GLDC: variants seen among roughly 807,000 people sequenced by gnomAD.
GLDC encodes the protein glycine decarboxylase, also known as glycine dehydrogenase (decarboxylating), mitochondrial.
A neutral mutation model predicts 121.3 loss-of-function variants in GLDC; 104 were observed. The ratio of observed to expected loss-of-function variants is 0.86; its 90% confidence interval spans 0.73 to 1.01. The LOEUF (loss-of-function observed/expected upper bound fraction) is 1.01, where lower values mean the gene tolerates loss of function less well. GLDC is among the 50% of genes least tolerant of loss of function. The probability of loss-of-function intolerance (pLI) is 0.00; values close to 1 mark genes in which losing one functional copy is unlikely to be tolerated. For missense variants in GLDC, 1,429 were observed against 1,306.6 expected (o/e 1.09, Z -1.44); for synonymous variants, 546 against 480.6 (o/e 1.14, Z -1.78).
rs1190872260 is a variant in GLDC, at chr9:6,626,282, G to A, written c.335-5963C>T. 2.6e-5 allele frequency among the ~76,000 whole-genome samples: 4 copies of A among 152,210 alleles called. No homozygotes were observed. In the East Asian group the frequency reaches 7.7e-4, roughly 29 times the overall value. ...CTCACCCAAAGGAAGGAGAAGGCTA[G>A]GATCCCAGGAAGGGGGTGGGGCACC... On this transcript the variant is annotated intron_variant, in intron 2 of 24. Coordinates refer to ENST00000321612, the MANE Select transcript of GLDC (RefSeq NM_000170.3).
chr9:6,569,440 T>G (rs2129772189), intron 15 of GLDC: 1 of 151,430 alleles, frequency 6.6e-6, no homozygotes, highest in Non-Finnish European at 1.5e-5. Flanking sequence ...GATCACAAGG[T>G]CAGGAGTTCG....
At chr9:6,568,121 A>G (rs1817886541) in intron 15 of GLDC, among the ~76,000 whole-genome samples, 1 of 152,176 alleles carries the variant, frequency 6.6e-6, no homozygotes, top group African/African-American at 2.4e-5. Flanking sequence ...GAAGAAGCAG[A>G]TTACTGGCTA....
At chr9:6,629,976 G>A (rs1162000198) in intron 2 of GLDC, among the ~76,000 whole-genome samples, 1 of 52,180 alleles carries the variant, frequency 1.9e-5, no homozygotes, top group Admixed American at 2.0e-4. Flanking sequence ...TTTTAAGAGA[G>A]ACAAGGTCTC....
At chr9:6,644,558 A>G (rs1819699648) in intron 2 of GLDC, 56 bp downstream of exon 2, 9 of 1,221,862 alleles carry the variant, frequency 7.4e-6, no homozygotes, top group Non-Finnish European at 1.1e-5. Flanking sequence ...AGGGAACCAC[A>G]AAAGACAAAT....
At chr9:6,615,578 T>C (rs1026979420) in intron 3 of GLDC, among the ~76,000 whole-genome samples, 2 of 140,832 alleles carry the variant, frequency 1.4e-5, no homozygotes, top group African/African-American at 2.8e-5. Flanking sequence ...GGAGACCTTG[T>C]CTTAAAAAAA....
chr9:6,617,721 G>A (rs1364686737), intron 3 of GLDC, among the ~76,000 whole-genome samples: 6 of 152,180 alleles, frequency 3.9e-5, no homozygotes, highest in Admixed American at 3.3e-4. Flanking sequence ...CTCCTATAAT[G>A]ATATGATAAA....
intron 8 of GLDC, among the ~76,000 whole-genome samples, chr9:6,596,995 A>C (rs1037833175): frequency 2.6e-5 from 4 of 152,256 alleles, no homozygotes; most frequent in Admixed American, 6.5e-5. Flanking sequence ...TGATGAATGG[A>C]TAAACAAAAT....
chr9:6,546,103 T>G (rs1370119572), intron 21 of GLDC, among the ~76,000 whole-genome samples: 1 of 152,194 alleles, frequency 6.6e-6, no homozygotes, highest in African/African-American at 2.4e-5. Flanking sequence ...CTTTTTACTT[T>G]TTAAACTTTT....
Position 6,540,350 on chromosome 9 carries a change from G to T in GLDC, c.2570-204C>A, listed in dbSNP as rs981264506. On this transcript the variant is annotated intron_variant, in intron 21 of 24. Transcript: ENST00000321612. The stretch of plus-strand genomic sequence containing the variant: ...TACAAATAAAAATGTTTAGCACACT[G>T]TGCCGATGTGTCTTATCTTCAGCTC... 9 of 561,410 alleles carry T rather than the reference G, an allele frequency of 1.6e-5. No homozygotes were observed. In the East Asian group the frequency reaches 2.9e-4, roughly 18 times the overall value. 34.8% of individuals were successfully genotyped at this position (561,410 alleles called of 1,614,324 possible).
chr9:6,590,619 G>T (rs540328695), intron 11 of GLDC, among the ~76,000 whole-genome samples: 1 of 152,170 alleles, frequency 6.6e-6, no homozygotes, highest in Admixed American at 6.5e-5. Context: ...AGAAGCAAAC[G>T]CTTCTTGCAC....
intron 15 of GLDC, among the ~76,000 whole-genome samples, chr9:6,577,695 CT>C (rs1251532165): frequency 6.6e-6 from 1 of 152,060 alleles, no homozygotes; most frequent in Non-Finnish European, 1.5e-5. Context: ...ACCTATGCCC[CT>C]GTGCACACAC....
chr9:6,640,642 CCT>C (rs1319787906), intron 2 of GLDC, among the ~76,000 whole-genome samples: 1 of 152,174 alleles, frequency 6.6e-6, no homozygotes, highest in Admixed American at 6.5e-5. Context: ...TTTAGTTTCT[CCT>C]CTCTCTTCCA....
At position 6,588,719 on chromosome 9, in the gene GLDC, C is replaced by G. The variant is rs774891189; in HGVS notation, c.1581-17G>C. The G allele has an allele frequency of 6.3e-7, 1 of 1,579,684 alleles. No homozygotes were observed. Among genetic ancestry groups the G allele is most frequent in the East Asian group, 2.2e-5 (1 of 44,730 alleles). On this transcript the variant is annotated splice_polypyrimidine_tract_variant and intron_variant, in intron 12 of 24. Transcript: ENST00000321612. Reference sequence around the variant, plus strand: ...GAGTGGTAGCTGTGAACACAAAACACAGAATTAGGGGCCCCAAAAGTAGAT... The same window carrying G: ...GAGTGGTAGCTGTGAACACAAAACAGAGAATTAGGGGCCCCAAAAGTAGAT...
intron 6 of GLDC, 141 bp downstream of exon 6, chr9:6,604,990 G>C (rs1434010681): frequency 1.0e-6 from 1 of 970,102 alleles, no homozygotes; most frequent in African/African-American, 1.6e-5. Context: ...TAGCAGCAAG[G>C]AGTCAGGAAG....
In GLDC at chr9:6,620,199, A is replaced by G; in HGVS notation, c.455T>C (p.Leu152Pro). 4 of 1,613,220 alleles carry G rather than the reference A, an allele frequency of 2.5e-6. No individual in the cohort carries two copies. The highest frequency in any genetic ancestry group is 3.4e-6 in the Non-Finnish European group (4 of 1,179,874). The change falls in exon 3 of 25, where the codon CTG (leucine) becomes CCG (proline). Residue 152 changes from leucine (L) to proline (P), a missense_variant. Coordinates refer to ENST00000321612, the MANE Select transcript of GLDC (RefSeq NM_000170.3). ...AATACATTACCATCCTGAGTTCTCC[A>G]GTAAGTTCCGCAAAATCGTCTGTGG... Reference protein sequence around the residue: ...SVPQTILRNLLENSGWITQYT... With the variant: ...SVPQTILRNLPENSGWITQYT...
chr9:6,568,243 T>G (rs778875374), intron 15 of GLDC, among the ~76,000 whole-genome samples: 12 of 152,166 alleles, frequency 7.9e-5, no homozygotes, highest in Non-Finnish European at 1.2e-4. Flanking sequence ...TCAGCTATGT[T>G]TCAACCCAAA....
rs780954858 is a variant in GLDC, at chr9:6,602,182, T to C, written c.1082A>G (p.Tyr361Cys). The C allele has an allele frequency of 2.5e-6, 4 of 1,612,048 alleles. No individual in the cohort carries two copies. Among genetic ancestry groups the C allele is most frequent in the Non-Finnish European group, 2.5e-6 (3 of 1,178,214 alleles). ...VTRDATGKEVYRLALQTREQH... is the reference protein window; with the variant it reads ...VTRDATGKEVCRLALQTREQH... The stretch of plus-strand genomic sequence containing the variant: ...CTCCCTGGTTTGAAGAGCAAGACGA[T>C]ACACTTCTTTCCCAGTGGCATCTCT... Residue 361 changes from tyrosine (Y) to cysteine (C), a missense_variant, in exon 8 of 25, where the codon TAT (tyrosine) becomes TGT (cysteine). By Grantham distance (194) the Tyr-to-Cys change is radical. Transcript: ENST00000321612.
chr9:6,538,474 G>A (rs1429544073), intron 22 of GLDC, among the ~76,000 whole-genome samples: 2 of 152,208 alleles, frequency 1.3e-5, no homozygotes, highest in Non-Finnish European at 2.9e-5. Flanking sequence ...CAGCGGTTAT[G>A]CTTTAAGACC....
Position 6,645,613 on chromosome 9 carries a change from TG to T in GLDC, c.-115del. 1.4e-6 allele frequency: 1 copy of T among 737,752 alleles called. No homozygotes were observed. The highest frequency in any genetic ancestry group is 1.8e-6 in the Non-Finnish European group (1 of 543,640). The allele number at this position is 737,752 out of a possible 1,614,324, so 45.7% of individuals were successfully genotyped here. On this transcript the variant is annotated 5_prime_UTR_variant, in exon 1 of 25. Coordinates refer to ENST00000321612, the MANE Select transcript of GLDC (RefSeq NM_000170.3). ...GCGCCCGGCCTGGAGCCCCTTTCGC[TG>T]GACAGTCGGCCGGACAGATGGATGG...
Sources: allele counts gnomAD v4.1 joint callset (sites outside exome capture counted in the v4.1 genomes callset), GRCh38; gene constraint gnomAD v4.1.1; transcripts MANE v1.5; gene names NCBI Gene and HGNC (gene_info 2026-07-23, HGNC 2026-07-21).